The following DAAM1 variants were observed in gnomAD, a reference collection of about 807,000 sequenced individuals.
DAAM1 encodes the protein dishevelled associated activator of morphogenesis 1.
Under a neutral mutation model 130.0 loss-of-function variants are expected in DAAM1, and 52 were observed. That is an observed-to-expected ratio of 0.40 (90% CI 0.32 to 0.50). The LOEUF (loss-of-function observed/expected upper bound fraction) is 0.50, where lower values mean the gene tolerates loss of function less well. DAAM1 is among the 20% of genes least tolerant of loss of function. The pLI is 0.61. For synonymous variants in DAAM1, 452 were observed against 444.5 expected, an observed-to-expected ratio of 1.02 and a Z score of -0.21; for missense variants, 1,134 against 1,303.8, an observed-to-expected ratio of 0.87 and a Z score of 2.01.
At chr14:59,298,857 C>G (rs1884060267) in intron 3 of DAAM1, among the ~76,000 whole-genome samples, 2 of 152,188 alleles carry the variant, frequency 1.3e-5, no homozygotes, top group African/African-American at 4.8e-5. Flanking sequence ...TACAACCACC[C>G]CTGCCTTGTG....
At chr14:59,354,181 T>C (rs1217390816) in intron 19 of DAAM1, among the ~76,000 whole-genome samples, 6 of 151,884 alleles carry the variant, frequency 4.0e-5, no homozygotes, top group African/African-American at 9.7e-5. Context: ...CTGCCTCAGC[T>C]TCCTGAGTAG....
chr14:59,320,646 A>T lies in DAAM1; in HGVS notation c.440+62A>T, dbSNP rs1288398087. 1.2e-5 allele frequency: 15 copies of T among 1,227,740 alleles called. No individual in the cohort carries two copies. In the Admixed American group the frequency reaches 3.6e-4, roughly 29 times the overall value. The allele number at this position is 1,227,740 out of a possible 1,614,324, so 76.1% of individuals were successfully genotyped here. On this transcript the variant is annotated intron_variant, in intron 5 of 24. Transcript: ENST00000360909. ...TCTCCTTCCTTCCTTTTTTTGCAATAGTCAAACCTTCTAGGAAGTCTTAAG... is the reference window on the plus strand; with the variant it reads ...TCTCCTTCCTTCCTTTTTTTGCAATTGTCAAACCTTCTAGGAAGTCTTAAG...
At chr14:59,224,067 G>A (rs1217810728) in intron 1 of DAAM1, among the ~76,000 whole-genome samples, 1 of 152,222 alleles carries the variant, frequency 6.6e-6, no homozygotes, top group Non-Finnish European at 1.5e-5. Context: ...CTCTGAGGCA[G>A]CATGGTAAAA....
At position 59,365,771 on chromosome 14, in the gene DAAM1, TAAAATCTGGAA is replaced by T. The variant is rs558855334; in HGVS notation, c.2827-1655_2827-1645del. Among the ~76,000 whole-genome samples, 656 of 152,242 alleles carry T rather than the reference TAAAATCTGGAA, an allele frequency of 4.3e-3. 1 individual carries two copies. The highest frequency in any genetic ancestry group is 6.8e-3 in the Middle Eastern group (2 of 294). ...GCATGGTCTAAATATGAAGAAAACTTAAAATCTGGAAAATGTTAAGTAGTTGATTGGGCGTA... is the reference window on the plus strand; with the variant it reads ...GCATGGTCTAAATATGAAGAAAACTTAATGTTAAGTAGTTGATTGGGCGTA... On this transcript the variant is annotated intron_variant, in intron 23 of 24. Coordinates refer to ENST00000360909, the MANE Select transcript of DAAM1 (RefSeq NM_001270520.2).
At position 59,283,657 on chromosome 14, in the gene DAAM1, A is replaced by G. The variant is rs144115504; in HGVS notation, c.184-7560A>G. Among the ~76,000 whole-genome samples, 852 of 152,296 alleles carry G rather than the reference A, an allele frequency of 5.6e-3. 1 individual carries two copies. The highest frequency in any genetic ancestry group is 9.1e-3 in the Admixed American group (139 of 15,280). The stretch of plus-strand genomic sequence containing the variant: ...TAGTTGATTTGCCAATCCTCACAAC[A>G]GCCTTGCAAGAGAAATGATGTACCT... On this transcript the variant is annotated intron_variant, in intron 2 of 24. Coordinates refer to ENST00000360909, the MANE Select transcript of DAAM1 (RefSeq NM_001270520.2).
chr14:59,330,149 T>C (rs1885367853), intron 12 of DAAM1, among the ~76,000 whole-genome samples: 1 of 152,236 alleles, frequency 6.6e-6, no homozygotes, highest in Admixed American at 6.5e-5. Flanking sequence ...TTTTTCCTTG[T>C]ATTGCTAAAG....
chr14:59,267,882 A>G (rs1030105964), intron 2 of DAAM1, among the ~76,000 whole-genome samples: 1 of 143,986 alleles, frequency 6.9e-6, no homozygotes, highest in Non-Finnish European at 1.5e-5. Flanking sequence ...ATATTCCATT[A>G]TGTGGATATA....
rs371132871 is a variant in DAAM1, at chr14:59,324,434, C to T, written c.969C>T (p.His323=). 2.9e-4 allele frequency: 465 copies of T among 1,586,948 alleles called. No individual in the cohort carries two copies. Among genetic ancestry groups the T allele is most frequent in the Non-Finnish European group, 3.7e-4 (437 of 1,167,200 alleles). ...IQPVIDKLRE[H]ENSTLDRHLD... is the part of the protein sequence containing the mutation. ...CTGTAATAGATAAATTAAGGGAACA[C>T]GAAAATTCAACATTAGATAGGTAAG... is the stretch of plus-strand genomic sequence containing the variant. Residue 323 remains histidine, a synonymous_variant, in exon 8 of 25, where the codon CAC becomes CAT. Transcript: ENST00000360909.
chr14:59,263,747 A>T (rs1392422274), intron 2 of DAAM1, 87 bp downstream of exon 2: 1 of 1,546,362 alleles, frequency 6.5e-7, no homozygotes, highest in Admixed American at 1.8e-5. Context: ...TTGGTTTGAC[A>T]TGGACTTTTC....
At position 59,359,424 on chromosome 14, in the gene DAAM1, C is replaced by T; in HGVS notation, c.2553C>T (p.Ile851=). Residue 851 remains isoleucine, a synonymous_variant, in exon 21 of 25, where the codon ATC becomes ATT. Coordinates refer to ENST00000360909, the MANE Select transcript of DAAM1 (RefSeq NM_001270520.2). Reference sequence around the variant, plus strand: ...ACATTACCCTTTTGCACTATCTCATCACTATTGTGGAAAATAAGTACCCCA... The same window carrying T: ...ACATTACCCTTTTGCACTATCTCATTACTATTGTGGAAAATAAGTACCCCA... ...DKNITLLHYL[I]TIVENKYPSV... 1.2e-6 allele frequency: 2 copies of T among 1,613,550 alleles called. No homozygotes were observed. The highest frequency in any genetic ancestry group is 2.2e-5 in the East Asian group (1 of 44,804).
chr14:59,214,623 G>A (rs1184213779), intron 1 of DAAM1, among the ~76,000 whole-genome samples: 1 of 152,108 alleles, frequency 6.6e-6, no homozygotes, highest in African/African-American at 2.4e-5. Flanking sequence ...TTTGATTGAC[G>A]TCTCTCATCT....
chr14:59,209,667 A>G (rs1888369373), intron 1 of DAAM1, among the ~76,000 whole-genome samples: 2 of 152,302 alleles, frequency 1.3e-5, no homozygotes, highest in South Asian at 4.2e-4. Flanking sequence ...GTTTTTGAGC[A>G]TGTTTAAGGT....
chr14:59,291,528 A>G, intron 3 of DAAM1: 1 of 493,972 alleles, frequency 2.0e-6, no homozygotes, highest in South Asian at 2.6e-5. Flanking sequence ...ATCATTCATA[A>G]TCATGTGTAA....
At chr14:59,255,055 G>A (rs1881815206) in intron 1 of DAAM1, among the ~76,000 whole-genome samples, 1 of 152,192 alleles carries the variant, frequency 6.6e-6, no homozygotes, top group Non-Finnish European at 1.5e-5. Context: ...GCAGACAGAA[G>A]TAGAAAGTGT....
At chr14:59,192,787 C>A (rs902181569) in intron 1 of DAAM1, among the ~76,000 whole-genome samples, 4 of 152,194 alleles carry the variant, frequency 2.6e-5, no homozygotes, top group African/African-American at 7.2e-5. Flanking sequence ...GGCGCGGTGG[C>A]TCAAGCCTGT....
intron 1 of DAAM1, among the ~76,000 whole-genome samples, chr14:59,225,019 G>GGTTTTTTTTTTTT (rs1566656869): frequency 1.1e-5 from 1 of 90,784 alleles, no homozygotes; most frequent in Non-Finnish European, 2.1e-5. Context: ...ATCTGTGTGG[G>GGTTTTTTTTTTTT]TTTTTTTTTT....
At chr14:59,325,867 C>T (rs1594824293) in intron 9 of DAAM1, 93 bp from the exon 10 acceptor site, 6 of 1,514,164 alleles carry the variant, frequency 4.0e-6, no homozygotes, top group East Asian at 2.3e-5. Context: ...TCCTAAGTGG[C>T]AGGATTAGCT....
intron 3 of DAAM1, among the ~76,000 whole-genome samples, chr14:59,305,273 G>C (rs1884332735): frequency 6.6e-6 from 1 of 152,208 alleles, no homozygotes; most frequent in Admixed American, 6.5e-5. Context: ...GCACACTGTT[G>C]TGTCATAGGC....
chr14:59,295,667 T>C (rs1219821959), intron 3 of DAAM1, among the ~76,000 whole-genome samples: 1 of 152,074 alleles, frequency 6.6e-6, no homozygotes, highest in Non-Finnish European at 1.5e-5. Context: ...AAGAAACACG[T>C]GTTAAAGTAG....
Sources: allele counts gnomAD v4.1 joint callset (sites outside exome capture counted in the v4.1 genomes callset), GRCh38; gene constraint gnomAD v4.1.1; transcripts MANE v1.5; gene names NCBI Gene and HGNC (gene_info 2026-07-23, HGNC 2026-07-21).